The following PEBP4 variants were observed in gnomAD, a reference collection of about 807,000 sequenced individuals.
PEBP4 encodes the protein phosphatidylethanolamine binding protein 4.
Under a neutral mutation model 23.9 loss-of-function variants are expected in PEBP4, and 22 were observed. The observed-to-expected ratio is 0.92, with a 90% CI of 0.66 to 1.31. The LOEUF is 1.31. Among genes scored for constraint, PEBP4 ranks in the 40% most tolerant of loss-of-function variants. The probability of loss-of-function intolerance (pLI) is 0.00; values close to 1 mark genes in which losing one functional copy is unlikely to be tolerated. For missense variants in PEBP4, 324 were observed against 281.7 expected (o/e 1.15, Z -1.07); for synonymous variants, 112 against 99.3 (o/e 1.13, Z -0.76).
intron 4 of PEBP4, among the ~76,000 whole-genome samples, chr8:22,784,657 G>A (rs759953587): frequency 1.1e-4 from 16 of 152,292 alleles, no homozygotes; most frequent in Non-Finnish European, 1.5e-4. Flanking sequence ...GCAGCCGCCC[G>A]GGTGTTTGTA....
intron 3 of PEBP4, among the ~76,000 whole-genome samples, chr8:22,908,847 T>A (rs1292167439): frequency 6.6e-6 from 1 of 152,234 alleles, no homozygotes; most frequent in Non-Finnish European, 1.5e-5. Context: ...GGGCCTTCTT[T>A]TCTTGCAAAT....
chr8:22,903,106 C>T (rs1354652469), intron 3 of PEBP4, among the ~76,000 whole-genome samples: 1 of 152,184 alleles, frequency 6.6e-6, no homozygotes, highest in Non-Finnish European at 1.5e-5. Context: ...TAGCCTTCTA[C>T]TCCCATAGCT....
At chr8:22,855,790 C>T (rs769851336) in intron 3 of PEBP4, among the ~76,000 whole-genome samples, 17 of 152,000 alleles carry the variant, frequency 1.1e-4, no homozygotes, top group Non-Finnish European at 2.2e-4. Flanking sequence ...CCTGTAATCC[C>T]AGCACTTTAG....
chr8:22,940,505 T>TTTTTTTTTG (rs56301473), intron 1 of PEBP4, among the ~76,000 whole-genome samples: 1 of 146,190 alleles, frequency 6.8e-6, no homozygotes, highest in African/African-American at 2.6e-5. Flanking sequence ...TTTTTTTTTT[T>TTTTTTTTTG]CGAGACGGAG....
At chr8:22,839,781 C>A (rs1049847467) in intron 3 of PEBP4, among the ~76,000 whole-genome samples, 1 of 152,152 alleles carries the variant, frequency 6.6e-6, no homozygotes, top group East Asian at 1.9e-4. Context: ...CCTTCCCTCC[C>A]ACTGCCAGCT....
At chr8:22,777,395 G>A (rs538319048) in intron 4 of PEBP4, among the ~76,000 whole-genome samples, 11 of 152,328 alleles carry the variant, frequency 7.2e-5, no homozygotes, top group Middle Eastern at 3.4e-3. Flanking sequence ...AGCTGTGAGA[G>A]TGACCTGGGC....
chr8:22,838,983 T>A (rs1286698363), intron 3 of PEBP4, among the ~76,000 whole-genome samples: 1 of 152,168 alleles, frequency 6.6e-6, no homozygotes, highest in East Asian at 1.9e-4. Context: ...CTGAAATAAT[T>A]GCAGTTGTAC....
intron 4 of PEBP4, among the ~76,000 whole-genome samples, chr8:22,791,783 C>G (rs1806145453): frequency 6.6e-6 from 1 of 152,192 alleles, no homozygotes; most frequent in African/African-American, 2.4e-5. Context: ...TAAACACTGT[C>G]CTAGGCCCTG....
intron 3 of PEBP4, chr8:22,878,258 C>T (rs879431202): frequency 1.4e-5 from 2 of 138,192 alleles, no homozygotes; most frequent in Non-Finnish European, 3.2e-5. Context: ...GGGGCGGAAT[C>T]CCTGGAATTT....
intron 4 of PEBP4, among the ~76,000 whole-genome samples, chr8:22,784,973 G>T (rs1212657036): frequency 6.6e-6 from 1 of 152,214 alleles, no homozygotes; most frequent in East Asian, 1.9e-4. Context: ...CACTGCTTGC[G>T]TGAAGGAACA....
chr8:22,802,723 C>T (rs559403691), intron 4 of PEBP4, among the ~76,000 whole-genome samples: 3 of 152,306 alleles, frequency 2.0e-5, no homozygotes, highest in South Asian at 2.1e-4. Context: ...AGAGCAAGCG[C>T]GCAGGGAATC....
At chr8:22,803,355 A>G (rs1264919055) in intron 4 of PEBP4, among the ~76,000 whole-genome samples, 1 of 151,994 alleles carries the variant, frequency 6.6e-6, no homozygotes, top group Non-Finnish European at 1.5e-5. Flanking sequence ...GCTCATTTCA[A>G]TCTCTCACTT....
chr8:22,738,764 C>A (rs1048665821), intron 4 of PEBP4, among the ~76,000 whole-genome samples: 6 of 152,336 alleles, frequency 3.9e-5, no homozygotes, highest in African/African-American at 1.4e-4. Context: ...CATGTTCACA[C>A]ATGCTCACTC....
intron 6 of PEBP4, among the ~76,000 whole-genome samples, chr8:22,717,776 G>C (rs1804444609): frequency 6.6e-6 from 1 of 152,166 alleles, no homozygotes; most frequent in Admixed American, 6.5e-5. Context: ...GGGCACCACT[G>C]CTTCTTGTTG....
At chr8:22,872,420 G>A (rs556821657) in intron 3 of PEBP4, among the ~76,000 whole-genome samples, 381 of 152,362 alleles carry the variant, frequency 2.5e-3, no homozygotes, top group Non-Finnish European at 4.5e-3. Context: ...CAGTTTGCAC[G>A]AAGGTGCTGA....
upstream of PEBP4, among the ~76,000 whole-genome samples, chr8:22,929,340 A>T (rs1270694449): frequency 1.3e-5 from 2 of 152,218 alleles, no homozygotes; most frequent in Non-Finnish European, 2.9e-5. Flanking sequence ...ATGCTGCCAG[A>T]AGGGCTGCCC....
In PEBP4 at chr8:22,903,537, G is replaced by A. The variant is rs973812599; in HGVS notation, c.258+16647C>T. 2.4e-4 allele frequency among the ~76,000 whole-genome samples: 37 copies of A among 152,204 alleles called. 3 individuals carry two copies. The highest frequency in any genetic ancestry group is 2.9e-5 in the Non-Finnish European group (2 of 68,036). ...GCAGCAGTTCCTGAATGGGGCTGCA[G>A]GGGAGGGAGTGCGTGAAGGGTTAAA... On this transcript the variant is annotated intron_variant, in intron 3 of 6. Transcript: ENST00000256404.
At chr8:22,805,321 C>G (rs1179677340) in intron 4 of PEBP4, among the ~76,000 whole-genome samples, 5 of 151,532 alleles carry the variant, frequency 3.3e-5, no homozygotes, top group Non-Finnish European at 7.4e-5. Context: ...TTAGCAATCG[C>G]GTGTTTTGTT....
intron 3 of PEBP4, among the ~76,000 whole-genome samples, chr8:22,846,339 A>C (rs960908595): frequency 6.6e-6 from 1 of 152,152 alleles, no homozygotes; most frequent in Admixed American, 6.5e-5. Context: ...TTTTGAGTGG[A>C]AAAGGGGAAA....
Sources: allele counts gnomAD v4.1 joint callset (sites outside exome capture counted in the v4.1 genomes callset), GRCh38; gene constraint gnomAD v4.1.1; transcripts MANE v1.5; gene names NCBI Gene and HGNC (gene_info 2026-07-23, HGNC 2026-07-21).